The following PCSK6 variants were observed in gnomAD, a reference collection of about 807,000 sequenced individuals.
PCSK6 encodes proprotein convertase subtilisin/kexin type 6.
Under a neutral mutation model 123.3 loss-of-function variants are expected in PCSK6, and 85 were observed. The ratio of observed to expected loss-of-function variants is 0.69; its 90% CI spans 0.58 to 0.83. The LOEUF (loss-of-function observed/expected upper bound fraction) is 0.83, where lower values mean the gene tolerates loss of function less well. Ranked by LOEUF, PCSK6 falls within the 40% of genes least tolerant of loss-of-function variation. The pLI is 0.00. For missense variants in PCSK6, 1,191 were observed against 1,282.3 expected (o/e 0.93, Z 1.09); for synonymous variants, 508 against 516.0 (o/e 0.98, Z 0.21).
chr15:101,398,397 C>A lies in PCSK6; in HGVS notation c.996+7G>T. 6.2e-7 allele frequency: 1 copy of A among 1,604,634 alleles called. No individual in the cohort carries two copies. The highest frequency in any genetic ancestry group is 8.5e-7 in the Non-Finnish European group (1 of 1,173,016). ...GAGCGCTCCCCTGTAGCCCTGGTTA[C>A]TCACACCTTTTTAATGCCATACTCG... On this transcript the variant is annotated splice_region_variant and intron_variant, in intron 7 of 21. Transcript: ENST00000611716. The surrounding 1 kb of genome is among the most constrained non-coding windows in gnomAD (Gnocchi z 4.6).
intron 6 of PCSK6, among the ~76,000 whole-genome samples, chr15:101,403,857 T>C (rs1006395249): frequency 2.0e-5 from 3 of 152,170 alleles, no homozygotes; most frequent in Non-Finnish European, 2.9e-5. Context: ...GTAGCTGGGA[T>C]TACAGGCGCC....
chr15:101,342,007 G>A (rs916775824), intron 13 of PCSK6, among the ~76,000 whole-genome samples: 1 of 151,752 alleles, frequency 6.6e-6, no homozygotes, highest in African/African-American at 2.4e-5. Context: ...GTGCATGCCT[G>A]TAATCCCAGC....
intron 5 of PCSK6, among the ~76,000 whole-genome samples, chr15:101,429,312 C>T (rs1033706824): frequency 1.3e-5 from 2 of 152,142 alleles, no homozygotes. Flanking sequence ...CTGGGCTCTC[C>T]GGACCCCACT....
At chr15:101,430,361 C>A (rs2141116229) in intron 4 of PCSK6, among the ~76,000 whole-genome samples, 1 of 152,270 alleles carries the variant, frequency 6.6e-6, no homozygotes, top group African/African-American at 2.4e-5. Flanking sequence ...AACACTAACT[C>A]CCCACTCCCC....
intron 12 of PCSK6, among the ~76,000 whole-genome samples, chr15:101,370,080 T>C (rs1264265335): frequency 6.6e-6 from 1 of 152,210 alleles, no homozygotes; most frequent in Non-Finnish European, 1.5e-5. Context: ...CAACAACTCT[T>C]TTGTCACTTC....
rs1368037372 is a variant in PCSK6 at position 101,398,466 on chromosome 15, C to T, written c.934G>A (p.Gly312Ser). 2.5e-6 allele frequency: 4 copies of T among 1,613,846 alleles called. No individual in the cohort carries two copies. Among genetic ancestry groups the T allele is most frequent in the South Asian group, 2.2e-5 (2 of 91,064 alleles). ...CGGCCGGGCCCGTCCACCGTCTTGC[C>T]GTCGTCGTCCGGCCCCCAGCTGGCA... The part of the protein sequence containing the change: ...YSASWGPDDD[G>S]KTVDGPGRLA... The change falls in exon 7 of 22, where the codon GGC becomes AGC. Residue 312 changes from glycine (G) to serine (S), a missense_variant. Physicochemically the swap from Gly to Ser is moderately conservative, Grantham distance 56 (BLOSUM62 0). Transcript: ENST00000611716. This position sits in a 1 kb window ranked among gnomAD's most constrained non-coding sequence, Gnocchi z 4.6.
At chr15:101,488,782 G>T (rs116407421) in intron 1 of PCSK6, among the ~76,000 whole-genome samples, 1,872 of 151,822 alleles carry the variant, frequency 0.012, 36 homozygotes, top group African/African-American at 0.043. Context: ...CCGGGCTCCA[G>T]GGTGCAGGCT....
intron 6 of PCSK6, among the ~76,000 whole-genome samples, chr15:101,405,940 G>A (rs1220940304): frequency 2.6e-5 from 4 of 152,058 alleles, no homozygotes; most frequent in Non-Finnish European, 5.9e-5. Context: ...ATGGGGCTTC[G>A]CCATGCTGGC....
rs774442223 is a variant in PCSK6, at chr15:101,431,411, G to A, written c.566C>T (p.Ala189Val). 120 of 1,613,708 alleles carry A rather than the reference G, an allele frequency of 7.4e-5. No individual in the cohort carries two copies. The highest frequency in any genetic ancestry group is 9.7e-5 in the Non-Finnish European group (114 of 1,179,858). ...RCRSEMNVQA[A>V]WKRGYTGKNV... is the part of the protein sequence containing the mutation. ...TTTTCCTGTGTAGCCCCTCTTCCAC[G>A]CTGCCTGGACATTCATTTCCGACCG... Residue 189 changes from alanine to valine, a missense_variant, in exon 4 of 22, where the codon GCG becomes GTG. Ala to Val is a moderately conservative substitution (Grantham distance 64). Transcript: ENST00000611716.
At chr15:101,353,368 C>T (rs113756836) in intron 13 of PCSK6, among the ~76,000 whole-genome samples, 41 of 152,268 alleles carry the variant, frequency 2.7e-4, no homozygotes, top group Non-Finnish European at 4.3e-4. Flanking sequence ...TGACAGGGAG[C>T]AGCTGTAAAC....
intron 1 of PCSK6, among the ~76,000 whole-genome samples, chr15:101,464,198 A>G (rs998618185): frequency 6.6e-6 from 1 of 152,128 alleles, no homozygotes; most frequent in Admixed American, 6.6e-5. Context: ...CTTTCTCCAC[A>G]GACTCACCCA....
chr15:101,358,524 G>A (rs1205947104), intron 13 of PCSK6, among the ~76,000 whole-genome samples: 1 of 152,226 alleles, frequency 6.6e-6, no homozygotes, highest in East Asian at 1.9e-4. Context: ...GCTCCTCAGG[G>A]GCAGGAACTG....
chr15:101,448,374 C>T (rs140534132), intron 1 of PCSK6, among the ~76,000 whole-genome samples: 38 of 152,236 alleles, frequency 2.5e-4, no homozygotes, highest in African/African-American at 7.7e-4. Flanking sequence ...TAACAAGATG[C>T]TCTGACATTT....
chr15:101,452,745 T>C (rs1233826151), intron 1 of PCSK6, among the ~76,000 whole-genome samples: 1 of 152,142 alleles, frequency 6.6e-6, no homozygotes, highest in Non-Finnish European at 1.5e-5. Flanking sequence ...ACATGGCAGA[T>C]TGGTTACCCA....
chr15:101,465,881 A>G (rs753713475), intron 1 of PCSK6, among the ~76,000 whole-genome samples: 8 of 152,226 alleles, frequency 5.3e-5, no homozygotes, highest in Admixed American at 2.0e-4. Context: ...AAAAGGCTCA[A>G]TGAAAACCAG....
intron 1 of PCSK6, among the ~76,000 whole-genome samples, chr15:101,474,120 T>C (rs2057670186): frequency 6.6e-6 from 1 of 152,244 alleles, no homozygotes; most frequent in African/African-American, 2.4e-5. Context: ...TTCTTTTCTT[T>C]CTATAGAAAT....
At chr15:101,423,230 A>C (rs916233640) in intron 6 of PCSK6, among the ~76,000 whole-genome samples, 4 of 151,994 alleles carry the variant, frequency 2.6e-5, no homozygotes, top group Admixed American at 2.6e-4. Context: ...GTCAAATGGA[A>C]ATCATAAGAC....
rs753014858 is a variant in PCSK6, at chr15:101,346,652, G to A, written c.1859-14621C>T. The A allele has an allele frequency of 1.6e-4, 119 of 723,330 alleles. 1 individual carries two copies. Among genetic ancestry groups the A allele is most frequent in the Non-Finnish European group, 2.1e-4 (111 of 525,426 alleles). The allele number at this position is 723,330 out of a possible 1,614,324, so 44.8% of individuals were successfully genotyped here. On this transcript the variant is annotated intron_variant, in intron 13 of 21. Coordinates refer to ENST00000611716, the MANE Select transcript of PCSK6 (RefSeq NM_002570.5). ...ATGCAGGCAACAGGAATGCCCAAGCGTACCTCATTCCTAAAACTGAGGGCA... is the reference window on the plus strand; with the variant it reads ...ATGCAGGCAACAGGAATGCCCAAGCATACCTCATTCCTAAAACTGAGGGCA...
At chr15:101,388,918 T>C (rs1048646038) in intron 9 of PCSK6, among the ~76,000 whole-genome samples, 1 of 152,204 alleles carries the variant, frequency 6.6e-6, no homozygotes, top group African/African-American at 2.4e-5. Flanking sequence ...GGGAGTGTTA[T>C]AGGCTGAACT....
Sources: gnomAD v4.1 joint callset for allele counts (sites outside exome capture counted in the v4.1 genomes callset) on GRCh38, gnomAD v4.1.1 for gene constraint, Gnocchi (gnomAD v3.1) non-coding constraint, MANE v1.5 for transcripts, NCBI Gene and HGNC (gene_info 2026-07-23, HGNC 2026-07-21) for gene names.